RFX7: variants seen among roughly 807,000 people sequenced by gnomAD.
The protein encoded by RFX7 is regulatory factor X7, also known as DNA-binding protein RFX7.
In RFX7, 26 loss-of-function variants were observed where a neutral mutation model predicts 111.8. The observed-to-expected ratio is 0.23, with a 90% CI of 0.17 to 0.32. The LOEUF (loss-of-function observed/expected upper bound fraction) is 0.32. Among genes scored for constraint, RFX7 ranks in the 10% least tolerant of loss-of-function variants. RFX7 has a pLI of 1.00. For missense variants in RFX7, 1,573 were observed against 1,772.9 expected (o/e 0.89, Z 2.02); for synonymous variants, 624 against 624.4 (o/e 1.00, Z 0.01).
chr15:56,183,378 A>G (rs529676991), intron 2 of RFX7, among the ~76,000 whole-genome samples: 1 of 152,180 alleles, frequency 6.6e-6, no homozygotes, highest in South Asian at 2.1e-4. Context: ...AAAGCAGTCT[A>G]TATTTTATTC....
chr15:56,243,303 AG>A lies in RFX7; in HGVS notation c.-2-17del. On this transcript the variant is annotated splice_polypyrimidine_tract_variant and intron_variant, in intron 1 of 9. Coordinates refer to ENST00000559447, the MANE Select transcript of RFX7 (RefSeq NM_022841.7). ...TCTGCCATCGCTGCAGAGGGGTGGG[AG>A]GGAGGGAGGGAAAGATGGGGGCGCG... 3.1e-5 allele frequency: 2 copies of A among 65,096 alleles called. No individual in the cohort carries two copies. The highest frequency in any genetic ancestry group is 6.1e-5 in the Non-Finnish European group (2 of 32,664). The allele number at this position is 65,096 out of a possible 1,614,324, so 4.0% of individuals were successfully genotyped here. A position where few individuals can be genotyped will look rare whatever the true frequency, so the allele number is the denominator to read the frequency against.
intron 2 of RFX7, among the ~76,000 whole-genome samples, chr15:56,201,588 T>G (rs1392943470): frequency 6.6e-6 from 1 of 152,156 alleles, no homozygotes; most frequent in African/African-American, 2.4e-5. Context: ...AATAATTTAT[T>G]AAGGATATAG....
chr15:56,093,758 C>A lies in RFX7; in HGVS notation c.3970G>T (p.Gly1324Cys). 6.2e-7 allele frequency: 1 copy of A among 1,613,768 alleles called. No homozygotes were observed. The highest frequency in any genetic ancestry group is 8.5e-7 in the Non-Finnish European group (1 of 1,179,830). ...PSYLTKSNST[G>C]QINFSPGDNQ... is the part of the protein sequence containing the mutation. ...TCTCCAGGAGAAAAATTGATCTGAC[C>A]GGTGCTATTACTTTTGGTGAGGTAA... The change falls in exon 10 of 10, where the codon GGT becomes TGT. Residue 1324 changes from glycine (G) to cysteine (C), a missense_variant. By Grantham distance (159) the Gly-to-Cys change is radical (BLOSUM62 -3). This residue lies in a region of RFX7 where 411 missense variants were observed against 478.1 expected (regional missense o/e 0.86). Transcript: ENST00000559447.
chr15:56,205,538 C>T (rs2043241500), intron 2 of RFX7, among the ~76,000 whole-genome samples: 2 of 152,128 alleles, frequency 1.3e-5, no homozygotes, highest in African/African-American at 4.8e-5. Flanking sequence ...GTTTGACTAA[C>T]AAAACTTTAA....
rs2041706054 is a variant in RFX7, at chr15:56,098,128, G to A, written c.1060C>T (p.Pro354Ser). 1.9e-6 allele frequency: 3 copies of A among 1,613,796 alleles called. No individual in the cohort carries two copies. Among genetic ancestry groups the A allele is most frequent in the African/African-American group, 1.3e-5 (1 of 74,918 alleles). The change falls in exon 9 of 10, where the codon CCT (proline) becomes TCT (serine). Residue 354 changes from proline (P) to serine (S), a missense_variant. By Grantham distance (74) the Pro-to-Ser change is moderately conservative. Transcript: ENST00000559447. ...GCCACAACGATACCAATAGGTTGAG[G>A]AGAAAGGATTGAAGGATTTCCATTA... ...LPNGNPSILS[P>S]QPIGIVVAAV... is the part of the protein sequence containing the mutation.
In RFX7 at chr15:56,214,714, C is replaced by CAAA. The variant is rs527416979; in HGVS notation, c.161+28408_161+28410dup. Among the ~76,000 whole-genome samples the CAAA allele has an allele frequency of 1.3e-3, 111 of 86,932 alleles. 3 individuals are homozygous for CAAA. The highest frequency in any genetic ancestry group is 6.1e-3 in the South Asian group (17 of 2,798). The allele number at this position is 86,932 out of a possible 152,430, so 57.0% of individuals were successfully genotyped here. Reference sequence around the variant, plus strand: ...TGGGCAAAAGAGCGAGACTCTGTCTCAAAAAAAAAAAAAAAAAAATTCTAG... The same window carrying CAAA: ...TGGGCAAAAGAGCGAGACTCTGTCTCAAAAAAAAAAAAAAAAAAAAAATTCTAG... On this transcript the variant is annotated intron_variant, in intron 2 of 9. Transcript: ENST00000559447.
intron 2 of RFX7, among the ~76,000 whole-genome samples, chr15:56,227,671 CTGT>C (rs2043500211): frequency 2.0e-5 from 3 of 152,148 alleles, no homozygotes; most frequent in Non-Finnish European, 4.4e-5. Context: ...GTGAATGACA[CTGT>C]TGTTATTCAT....
intron 2 of RFX7, among the ~76,000 whole-genome samples, chr15:56,230,140 A>C (rs2043534231): frequency 1.3e-5 from 2 of 152,214 alleles, no homozygotes; most frequent in African/African-American, 4.8e-5. Flanking sequence ...TTCAATGTTA[A>C]GGGGTCTTTA....
At chr15:56,229,018 C>T (rs145327333) in intron 2 of RFX7, among the ~76,000 whole-genome samples, 85 of 152,200 alleles carry the variant, frequency 5.6e-4, no homozygotes, top group African/African-American at 2.0e-3. Context: ...TACCATACAC[C>T]TAACTGTGAT....
intron 2 of RFX7, among the ~76,000 whole-genome samples, chr15:56,217,059 ATAG>A (rs1391438071): frequency 2.0e-5 from 3 of 152,232 alleles, no homozygotes; most frequent in African/African-American, 4.8e-5. Flanking sequence ...ATTAGAAAGA[ATAG>A]TACAACCAAA....
intron 2 of RFX7, chr15:56,192,805 G>C: frequency 4.5e-6 from 1 of 224,462 alleles, no homozygotes; most frequent in Non-Finnish European, 9.8e-6. Flanking sequence ...AATCGGTCTT[G>C]TTTGGTGGTA....
At chr15:56,125,520 A>C (rs750253105) in intron 5 of RFX7, among the ~76,000 whole-genome samples, 3 of 149,442 alleles carry the variant, frequency 2.0e-5, no homozygotes, top group Non-Finnish European at 3.0e-5. Context: ...ATCTTCTTTA[A>C]TTTCTTTTAT....
intron 2 of RFX7, among the ~76,000 whole-genome samples, chr15:56,205,773 G>A (rs559661123): frequency 6.6e-6 from 1 of 152,270 alleles, no homozygotes; most frequent in East Asian, 1.9e-4. Flanking sequence ...ATATGCTCAA[G>A]TGAGTTTTGA....
At chr15:56,203,155 G>A (rs1269715256) in intron 2 of RFX7, among the ~76,000 whole-genome samples, 2 of 152,194 alleles carry the variant, frequency 1.3e-5, no homozygotes, top group African/African-American at 2.4e-5. Context: ...ATGGGCAGGA[G>A]TAAGTTGTCA....
At chr15:56,176,444 A>G (rs1177292289) in intron 3 of RFX7, among the ~76,000 whole-genome samples, 1 of 152,176 alleles carries the variant, frequency 6.6e-6, no homozygotes, top group Non-Finnish European at 1.5e-5. Context: ...TAATACCAAC[A>G]AAAGAAAACT....
intron 3 of RFX7, among the ~76,000 whole-genome samples, chr15:56,176,143 G>T (rs1270460707): frequency 6.6e-6 from 1 of 152,072 alleles, no homozygotes; most frequent in Non-Finnish European, 1.5e-5. Context: ...CACAAATAAA[G>T]ATAATCAGAG....
intron 2 of RFX7, among the ~76,000 whole-genome samples, chr15:56,228,603 C>G (rs564722596): frequency 6.6e-6 from 1 of 152,148 alleles, no homozygotes; most frequent in African/African-American, 2.4e-5. Context: ...TCATTTAATA[C>G]ACAATTACTG....
intron 5 of RFX7, among the ~76,000 whole-genome samples, chr15:56,127,607 G>A (rs1233904920): frequency 6.6e-6 from 1 of 150,538 alleles, no homozygotes; most frequent in African/African-American, 2.4e-5. Context: ...GAGTGCAGTG[G>A]CGCGATCTCG....
Position 56,102,184 on chromosome 15 carries a change from G to GT in RFX7, c.587dup (p.His196GlnfsTer11), listed in dbSNP as rs1567007618. The GT allele has an allele frequency of 6.2e-7, 1 of 1,611,322 alleles. No individual in the cohort carries two copies. The highest frequency in any genetic ancestry group is 8.5e-7 in the Non-Finnish European group (1 of 1,178,350). ...GAATTCTTACCCCATCTCCAGTTTT[G>GT]TGAAAGTCAAGGTTGGGCAGTGTTG... On this transcript the variant is annotated frameshift_variant, in exon 7 of 10. Coordinates refer to ENST00000559447, the MANE Select transcript of RFX7 (RefSeq NM_022841.7). LOFTEE classifies it high-confidence loss of function.
Sources: gnomAD v4.1 joint callset for allele counts (sites outside exome capture counted in the v4.1 genomes callset) on GRCh38, gnomAD v4.1.1 for gene constraint, gnomAD v4.1.1 regional missense constraint, MANE v1.5 for transcripts, NCBI Gene and HGNC (gene_info 2026-07-23, HGNC 2026-07-21) for gene names.